DGKD: variants seen among roughly 807,000 people sequenced by gnomAD.
DGKD encodes the protein DAG kinase delta.
A neutral mutation model predicts 154.4 loss-of-function variants in DGKD; 68 were observed. That is an observed-to-expected ratio of 0.44 (90% confidence interval 0.36 to 0.54). The LOEUF (loss-of-function observed/expected upper bound fraction) is 0.54, where lower values mean the gene tolerates loss of function less well. Ranked by LOEUF, DGKD falls within the 20% of genes least tolerant of loss-of-function variation. The pLI is 0.00. For missense variants in DGKD, 1,343 were observed against 1,593.6 expected, an observed-to-expected ratio of 0.84 and a Z score of 2.68; for synonymous variants, 693 against 638.0, an observed-to-expected ratio of 1.09 and a Z score of -1.30.
intron 1 of DGKD, among the ~76,000 whole-genome samples, chr2:233,370,570 C>G (rs7576622): frequency 8.6e-4 from 106 of 123,316 alleles, no homozygotes; most frequent in African/African-American, 2.9e-3. Context: ...AGAACTTCTT[C>G]TTTTTTTTTT....
chr2:233,447,798 G>T, intron 12 of DGKD: 1 of 1,206,068 alleles, frequency 8.3e-7, no homozygotes, highest in Non-Finnish European at 1.0e-6. Context: ...TAGGGGTCAG[G>T]ACGGAAGCTC....
Position 233,449,402 on chromosome 2 carries a change from G to A in DGKD, c.1888+26G>A. The A allele has an allele frequency of 5.1e-6, 8 of 1,577,096 alleles. No homozygotes were observed. The highest frequency in any genetic ancestry group is 1.1e-5 in the South Asian group (1 of 87,226). Reference sequence around the variant, plus strand: ...GTAACTGGCCTTGTGATGAGGAGGGGCTTTCCTCAGGCCAGCACTGGGCAT... The same window carrying A: ...GTAACTGGCCTTGTGATGAGGAGGGACTTTCCTCAGGCCAGCACTGGGCAT... On this transcript the variant is annotated intron_variant, in intron 15 of 29. Coordinates refer to ENST00000264057, the MANE Select transcript of DGKD (RefSeq NM_152879.3). The surrounding 1 kb of genome is among the most constrained non-coding windows in gnomAD (Gnocchi z 5.3).
chr2:233,400,136 T>G (rs7584554), intron 3 of DGKD, among the ~76,000 whole-genome samples: 93,272 of 152,048 alleles, frequency 0.61, 29,301 homozygotes, highest in African/African-American at 0.76. Context: ...ATGTCCCCTT[T>G]GAGACTGACT....
At chr2:233,467,659 G>A (rs1423773612) in intron 28 of DGKD, among the ~76,000 whole-genome samples, 2 of 152,204 alleles carry the variant, frequency 1.3e-5, no homozygotes, top group Non-Finnish European at 2.9e-5. Context: ...AATCGAATAT[G>A]GTCCTGAAGG....
Position 233,445,581 on chromosome 2 carries a change from C to T in DGKD, c.1195-42C>T, listed in dbSNP as rs186011630. 2 of 1,556,864 alleles carry T rather than the reference C, an allele frequency of 1.3e-6. No homozygotes were observed. Among genetic ancestry groups the T allele is most frequent in the Non-Finnish European group, 1.7e-6 (2 of 1,149,730 alleles). The stretch of plus-strand genomic sequence containing the variant: ...CTGCGGGCTGGGAAGTGGCCCCTGC[C>T]CCCAGGTGTTTGCCTGCGCATCGTC... On this transcript the variant is annotated intron_variant, in intron 10 of 29. Transcript: ENST00000264057. This position sits in a 1 kb window ranked among gnomAD's most constrained non-coding sequence, Gnocchi z 5.5.
rs1043789620 is a variant in DGKD, at chr2:233,471,343, A to G, written c.*1883A>G. 2.6e-5 allele frequency: 4 copies of G among 152,354 alleles called. No individual in the cohort carries two copies. Among genetic ancestry groups the G allele is most frequent in the Admixed American group, 1.3e-4 (2 of 15,282 alleles). The allele number at this position is 152,354 out of a possible 1,614,324, so 9.4% of individuals were successfully genotyped here. ...CATTGTTTTCCCCAGAACATTGTAG[A>G]TGGGGGTTGGCAGAGGGAGAAATAA... On this transcript the variant is annotated 3_prime_UTR_variant, in exon 30 of 30. Transcript: ENST00000264057.
chr2:233,365,160 C>A (rs1000229006), intron 1 of DGKD, among the ~76,000 whole-genome samples: 1 of 151,744 alleles, frequency 6.6e-6, no homozygotes. Context: ...ACACACCTGT[C>A]TTACATGCTG....
chr2:233,416,649 G>T (rs2061968188), intron 3 of DGKD, among the ~76,000 whole-genome samples: 1 of 152,180 alleles, frequency 6.6e-6, no homozygotes, highest in African/African-American at 2.4e-5. Context: ...ACAGCGTGGT[G>T]GCTGTCAGAC....
chr2:233,467,258 C>T, intron 28 of DGKD, 55 bp downstream of exon 28: 1 of 1,265,264 alleles, frequency 7.9e-7, no homozygotes, highest in South Asian at 1.2e-5. Context: ...CTGGATCGGC[C>T]CCGTTCCCCT....
rs541950641 is a variant in DGKD, at chr2:233,469,590, A to G, written c.*130A>G. ...AGATGCTGCAGCCCGCCCCCTTCTC[A>G]TGGTGCTACTTCCTCTGTCAGCTAC... On this transcript the variant is annotated 3_prime_UTR_variant, in exon 30 of 30. Coordinates refer to ENST00000264057, the MANE Select transcript of DGKD (RefSeq NM_152879.3). The G allele has an allele frequency of 3.1e-4, 224 of 732,298 alleles. No homozygotes were observed. The African/African-American group carries it at 3.4e-3, about 11-fold the overall frequency. The allele number at this position is 732,298 out of a possible 1,614,324, so 45.4% of individuals were successfully genotyped here. A position where few individuals can be genotyped will look rare whatever the true frequency, so the allele number is the denominator to read the frequency against.
intron 3 of DGKD, among the ~76,000 whole-genome samples, chr2:233,401,450 C>T (rs953041708): frequency 6.6e-6 from 1 of 152,202 alleles, no homozygotes; most frequent in African/African-American, 2.4e-5. Flanking sequence ...AACAAAATCA[C>T]TACTAATTAG....
At chr2:233,399,360 C>T (rs1023669826) in intron 3 of DGKD, among the ~76,000 whole-genome samples, 1 of 152,192 alleles carries the variant, frequency 6.6e-6, no homozygotes, top group African/African-American at 2.4e-5. Flanking sequence ...CCTCATTGTT[C>T]GGCTCTGCAG....
intron 10 of DGKD, chr2:233,442,426 T>C (rs989516895): frequency 5.1e-5 from 16 of 312,064 alleles, no homozygotes; most frequent in African/African-American, 2.8e-4. Flanking sequence ...TAGATTTTCC[T>C]GATTGTGTAT....
chr2:233,388,406 C>T, intron 2 of DGKD, 39 bp downstream of exon 2: 2 of 1,576,108 alleles, frequency 1.3e-6, no homozygotes, highest in South Asian at 1.2e-5. Flanking sequence ...GAGGACATCA[C>T]AGGAGCCGTC....
rs1222543129 is a variant in DGKD at position 233,441,526 on chromosome 2, A to G, written c.1086-361A>G. On this transcript the variant is annotated intron_variant, in intron 9 of 29. Coordinates refer to ENST00000264057, the MANE Select transcript of DGKD (RefSeq NM_152879.3). The surrounding 1 kb of genome is among the most constrained non-coding windows in gnomAD (Gnocchi z 5.6). ...GGACAGTGACGCAGGGTGGGCTCAC[A>G]TGGTTAGGGGCCACGGCAGGCTGTG... Among the ~76,000 whole-genome samples the G allele has an allele frequency of 6.6e-6, 1 of 152,156 alleles. No homozygotes were observed. Among genetic ancestry groups the G allele is most frequent in the South Asian group, 2.1e-4 (1 of 4,824 alleles).
At chr2:233,447,683 A>G (rs1488178977) in intron 12 of DGKD, 4 of 1,064,104 alleles carry the variant, frequency 3.8e-6, no homozygotes, top group African/African-American at 1.7e-5. Context: ...TGGTGGGGGC[A>G]GGAGTGTGTG....
At chr2:233,431,016 A>G (rs1180253223) in intron 3 of DGKD, among the ~76,000 whole-genome samples, 1 of 152,226 alleles carries the variant, frequency 6.6e-6, no homozygotes, top group Admixed American at 6.5e-5. Context: ...AGGGTATCCA[A>G]ATTGGAAAGG....
In DGKD at chr2:233,471,644, CAA is replaced by C. The variant is rs2064018768; in HGVS notation, c.*2187_*2188del. The C allele has an allele frequency of 6.6e-6, 1 of 152,396 alleles. No individual in the cohort carries two copies. Among genetic ancestry groups the C allele is most frequent in the Non-Finnish European group, 1.5e-5 (1 of 68,046 alleles). 9.4% of individuals were successfully genotyped at this position (152,396 alleles called of 1,614,324 possible). A position where few individuals can be genotyped will look rare whatever the true frequency, so the allele number is the denominator to read the frequency against. ...TCCTGGCAAGGAGTTGGGTTTGGAT[CAA>C]AAGTGTTTAAAATTAATATGTTGTC... On this transcript the variant is annotated 3_prime_UTR_variant, in exon 30 of 30. Coordinates refer to ENST00000264057, the MANE Select transcript of DGKD (RefSeq NM_152879.3).
At chr2:233,434,748 C>T (rs1202002585) in intron 4 of DGKD, 21 bp from the exon 5 acceptor site, 5 of 1,598,734 alleles carry the variant, frequency 3.1e-6, no homozygotes, top group Non-Finnish European at 4.3e-6. Flanking sequence ...TATCTTTGCC[C>T]TCTTGGTTTC....
Sources: allele counts gnomAD v4.1 joint callset (sites outside exome capture counted in the v4.1 genomes callset), GRCh38; gene constraint gnomAD v4.1.1; non-coding constraint Gnocchi (gnomAD v3.1); transcripts MANE v1.5; gene names NCBI Gene and HGNC (gene_info 2026-07-23, HGNC 2026-07-21).